Variants in ADH4 observed in about 807,000 individuals in gnomAD.
ADH4 encodes alcohol dehydrogenase 4 (class II), pi polypeptide.
Under a neutral mutation model 35.2 loss-of-function variants are expected in ADH4, and 31 were observed. The observed-to-expected ratio is 0.88, with a 90% CI of 0.66 to 1.19. The LOEUF (loss-of-function observed/expected upper bound fraction) is 1.19. Ranked by LOEUF, ADH4 falls within the 50% of genes most tolerant of loss-of-function variation. The pLI is 0.00. For synonymous variants in ADH4, 171 were observed against 160.2 expected, an observed-to-expected ratio of 1.07 and a Z score of -0.51; for missense variants, 476 against 458.3, an observed-to-expected ratio of 1.04 and a Z score of -0.35.
At chr4:99,142,279 G>A (rs535059942) in intron 2 of ADH4, among the ~76,000 whole-genome samples, 1 of 152,086 alleles carries the variant, frequency 6.6e-6, no homozygotes. Context: ...AGGACCCTTC[G>A]GCTGCCTAGG....
rs1254791676 is a variant in ADH4, at chr4:99,123,729, A to G, written c.*713T>C. 6.6e-6 allele frequency: 1 copy of G among 152,154 alleles called. No homozygotes were observed. Among genetic ancestry groups the G allele is most frequent in the Non-Finnish European group, 1.5e-5 (1 of 68,032 alleles). The allele number at this position is 152,154 out of a possible 1,614,324, so 9.4% of individuals were successfully genotyped here. A position where few individuals can be genotyped will look rare whatever the true frequency, so the allele number is the denominator to read the frequency against. On this transcript the variant is annotated 3_prime_UTR_variant, in exon 9 of 9. Coordinates refer to ENST00000265512, the MANE Select transcript of ADH4 (RefSeq NM_000670.5). ...ATTATACTCTTTTAGTCATATTAAA[A>G]TATACAATTAAATTGCTGTTGACTA...
chr4:99,134,256 TTAA>T (rs1729369710), intron 5 of ADH4, among the ~76,000 whole-genome samples: 1 of 152,154 alleles, frequency 6.6e-6, no homozygotes, highest in African/African-American at 2.4e-5. Context: ...GTGACTATAA[TTAA>T]TAATAATGTA....
rs1176393036 is a variant in ADH4, at chr4:99,142,699, C to T, written c.100G>A (p.Ala34Thr). 6.3e-7 allele frequency: 1 copy of T among 1,597,818 alleles called. No homozygotes were observed. Among genetic ancestry groups the T allele is most frequent in the East Asian group, 2.3e-5 (1 of 44,326 alleles). ...IEEVEVAPPK[A>T]HEVRIQIIAT... is the part of the protein sequence containing the mutation. ...CTTACCTGAATGCGAACTTCATGAGCCTTGGGGGGAGCTACTTCAACCTCT... is the reference window on the plus strand; with the variant it reads ...CTTACCTGAATGCGAACTTCATGAGTCTTGGGGGGAGCTACTTCAACCTCT... Residue 34 changes from alanine to threonine, a missense_variant, in exon 2 of 9, where the codon GCT becomes ACT. Transcript: ENST00000265512.
Position 99,136,583 on chromosome 4 carries a change from G to C in ADH4, c.465C>G (p.Tyr155Ter). Residue 155 changes from tyrosine (Y) to a stop codon, truncating the protein, a stop_gained, in exon 5 of 9, where the codon TAC becomes TAG. Transcript: ENST00000265512. LOFTEE classifies it high-confidence loss of function. ...CAAGATTGATATCTGACACCACAGT[G>C]TACTGAGAGAATGTACTGGTTCCAA... ...HFFGTSTFSQ[Y>*]TVVSDINLAK... 1.9e-6 allele frequency: 3 copies of C among 1,613,982 alleles called. No individual in the cohort carries two copies. The highest frequency in any genetic ancestry group is 2.5e-6 in the Non-Finnish European group (3 of 1,179,882).
rs771201433 is a variant in ADH4, at chr4:99,136,448, T to G, written c.582+18A>C. ...CTAGTAACTTCTGTTTTACACAAAC[T>G]GGTGTTTAACCATTTACCTTGGCAT... On this transcript the variant is annotated intron_variant, in intron 5 of 8. Coordinates refer to ENST00000265512, the MANE Select transcript of ADH4 (RefSeq NM_000670.5). 1.2e-6 allele frequency: 2 copies of G among 1,601,422 alleles called. No individual in the cohort carries two copies. Among genetic ancestry groups the G allele is most frequent in the Admixed American group, 3.3e-5 (2 of 60,004 alleles).
intron 5 of ADH4, among the ~76,000 whole-genome samples, chr4:99,136,096 C>G (rs1729423873): frequency 2.0e-5 from 3 of 152,108 alleles, no homozygotes; most frequent in Admixed American, 2.0e-4. Context: ...GAGTTTCTGT[C>G]ATTTTTGTTG....
At chr4:99,126,783 A>G in intron 7 of ADH4, 51 bp from the exon 8 acceptor site, 1 of 1,518,440 alleles carries the variant, frequency 6.6e-7, no homozygotes, top group Non-Finnish European at 8.9e-7. Context: ...GACACGAAGT[A>G]GTTTAATCAG....
rs370697915 is a variant in ADH4, at chr4:99,136,447, C to T, written c.582+19G>A. 10 of 1,600,488 alleles carry T rather than the reference C, an allele frequency of 6.2e-6. No individual in the cohort carries two copies. The African/African-American group carries it at 1.2e-4, about 19-fold the overall frequency. ...CCTAGTAACTTCTGTTTTACACAAA[C>T]TGGTGTTTAACCATTTACCTTGGCA... On this transcript the variant is annotated intron_variant, in intron 5 of 8. Transcript: ENST00000265512.
In ADH4 at chr4:99,142,812, T is replaced by C. The variant is rs369425769; in HGVS notation, c.19-32A>G. 5.2e-6 allele frequency: 8 copies of C among 1,524,628 alleles called. No individual in the cohort carries two copies. The African/African-American group carries it at 9.7e-5, about 19-fold the overall frequency. 94.4% of individuals were successfully genotyped at this position (1,524,628 alleles called of 1,614,324 possible). A position where few individuals can be genotyped will look rare whatever the true frequency, so the allele number is the denominator to read the frequency against. ...GAGAGAAAGAAAAGGAAGAGGGAGA[T>C]AGAGATAGAGATTTTGACAGGGTTG... On this transcript the variant is annotated intron_variant, in intron 1 of 8. Coordinates refer to ENST00000265512, the MANE Select transcript of ADH4 (RefSeq NM_000670.5).
rs531060104 is a variant in ADH4, at chr4:99,128,003, C to CTTT, written c.844-662_844-660dup. On this transcript the variant is annotated intron_variant, in intron 6 of 8. Coordinates refer to ENST00000265512, the MANE Select transcript of ADH4 (RefSeq NM_000670.5). Reference sequence around the variant, plus strand: ...CCCAGCCAAATCTATCGTTGTGTGACTTTTTTTTTTTTGACAAATAAGACT... The same window carrying CTTT: ...CCCAGCCAAATCTATCGTTGTGTGACTTTTTTTTTTTTTTTGACAAATAAGACT... Among the ~76,000 whole-genome samples, 325 of 146,792 alleles carry CTTT rather than the reference C, an allele frequency of 2.2e-3. 2 individuals are homozygous for CTTT. The highest frequency in any genetic ancestry group is 6.2e-3 in the African/African-American group (248 of 40,212).
At chr4:99,124,549 T>C (rs1729022104) in intron 8 of ADH4, 83 bp from the exon 9 acceptor site, 3 of 849,396 alleles carry the variant, frequency 3.5e-6, no homozygotes, top group Non-Finnish European at 5.5e-6. Flanking sequence ...TGCCTTTTCA[T>C]TTCAGGATCT....
At chr4:99,135,517 A>G (rs1729409444) in intron 5 of ADH4, among the ~76,000 whole-genome samples, 1 of 152,160 alleles carries the variant, frequency 6.6e-6, no homozygotes, top group Non-Finnish European at 1.5e-5. Flanking sequence ...GGAAGTGATA[A>G]GTGGAGTCAG....
At chr4:99,125,175 T>C (rs988680572) in intron 8 of ADH4, among the ~76,000 whole-genome samples, 1 of 152,118 alleles carries the variant, frequency 6.6e-6, no homozygotes, top group Non-Finnish European at 1.5e-5. Context: ...TGCAGTTGGG[T>C]GGTAGGAGGG....
intron 6 of ADH4, among the ~76,000 whole-genome samples, chr4:99,128,004 T>TTTTG (rs386400944): frequency 2.2e-5 from 2 of 92,454 alleles, no homozygotes; most frequent in Non-Finnish European, 5.9e-5. Flanking sequence ...GTTGTGTGAC[T>TTTTG]TTTTTTTTTT....
At position 99,141,570 on chromosome 4, in the gene ADH4, A is replaced by G. The variant is rs61734619; in HGVS notation, c.233T>C (p.Ile78Thr). Residue 78 changes from isoleucine (I) to threonine (T), a missense_variant, in exon 3 of 9, where the codon ATT (isoleucine) becomes ACT (threonine). Coordinates refer to ENST00000265512, the MANE Select transcript of ADH4 (RefSeq NM_000670.5). ...GHEAAGIVES[I>T]GPGVTNVKPG... ...TTTGACGTTGGTCACTCCTGGCCCA[A>G]TACTTTCCACAATACCTGCAGCCTC... The G allele has an allele frequency of 6.2e-4, 1,006 of 1,614,094 alleles. 6 individuals carry two copies. In the African/African-American group the frequency reaches 0.012, roughly 18 times the overall value.
At chr4:99,137,418 G>A (rs993762685) in intron 4 of ADH4, among the ~76,000 whole-genome samples, 10 of 151,920 alleles carry the variant, frequency 6.6e-5, no homozygotes, top group African/African-American at 2.2e-4. Flanking sequence ...GAGCCACCTC[G>A]CCTGGCCCTA....
Position 99,124,366 on chromosome 4 carries a change from T to A in ADH4, c.*76A>T. On this transcript the variant is annotated 3_prime_UTR_variant, in exon 9 of 9. Coordinates refer to ENST00000265512, the MANE Select transcript of ADH4 (RefSeq NM_000670.5). ...GTTTAAACTCATGGCTTTCCTTGGT[T>A]CATCAAATCAGGTAATAAATTAACC... 1.9e-6 allele frequency: 2 copies of A among 1,031,174 alleles called. No individual in the cohort carries two copies. The highest frequency in any genetic ancestry group is 3.0e-5 in the South Asian group (2 of 66,018). 63.9% of individuals were successfully genotyped at this position (1,031,174 alleles called of 1,614,324 possible).
At chr4:99,131,447 T>C in intron 6 of ADH4, 57 bp downstream of exon 6, 2 of 1,562,294 alleles carry the variant, frequency 1.3e-6, no homozygotes, top group Non-Finnish European at 1.7e-6. Context: ...CTTTCCCCTA[T>C]TATTTGACAG....
intron 4 of ADH4, 78 bp downstream of exon 4, chr4:99,138,983 G>T: frequency 9.4e-7 from 1 of 1,060,426 alleles, no homozygotes; most frequent in Non-Finnish European, 1.4e-6. Context: ...CCTCTTCAAG[G>T]CCATTTAGGT....
Sources: allele counts gnomAD v4.1 joint callset (sites outside exome capture counted in the v4.1 genomes callset), GRCh38; gene constraint gnomAD v4.1.1; transcripts MANE v1.5; gene names NCBI Gene and HGNC (gene_info 2026-07-23, HGNC 2026-07-21).